ZNF609: variants seen among roughly 807,000 people sequenced by gnomAD.
ZNF609 encodes zinc finger protein 609.
In ZNF609, 11 loss-of-function variants were observed where a neutral mutation model predicts 109.5. The ratio of observed to expected loss-of-function variants is 0.10; its 90% confidence interval spans 0.06 to 0.17. The LOEUF is 0.17. ZNF609 is among the 10% of genes least tolerant of loss of function. ZNF609 has a pLI of 1.00. For missense variants in ZNF609, 1,559 were observed against 1,772.4 expected, an observed-to-expected ratio of 0.88 and a Z score of 2.16; for synonymous variants, 646 against 662.0, an observed-to-expected ratio of 0.98 and a Z score of 0.37.
At chr15:64,499,007 G>T (rs1036809773) in intron 1 of ZNF609, among the ~76,000 whole-genome samples, 3 of 152,134 alleles carry the variant, frequency 2.0e-5, no homozygotes, top group Admixed American at 6.5e-5. Context: ...GTAGAAATAG[G>T]TCTCTTAGGA....
At chr15:64,617,132 T>G (rs1410620340) in intron 2 of ZNF609, among the ~76,000 whole-genome samples, 1 of 151,802 alleles carries the variant, frequency 6.6e-6, no homozygotes, top group Non-Finnish European at 1.5e-5. Context: ...AAAGGTAAAT[T>G]GAGAAGTATC....
chr15:64,476,128 C>T (rs544589152), intron 1 of ZNF609, among the ~76,000 whole-genome samples: 5 of 152,242 alleles, frequency 3.3e-5, no homozygotes, highest in South Asian at 2.1e-4. Flanking sequence ...AATTTAGTCA[C>T]AGGAACCAAA....
chr15:64,481,289 G>C (rs1893248749), intron 1 of ZNF609, among the ~76,000 whole-genome samples: 1 of 151,598 alleles, frequency 6.6e-6, no homozygotes, highest in Admixed American at 6.6e-5. Flanking sequence ...CTTAGAGGCT[G>C]TGGAGAGAAG....
Position 64,683,496 on chromosome 15 carries a change from C to A in ZNF609, c.*1810C>A, listed in dbSNP as rs1202056437. Reference sequence around the variant, plus strand: ...TTGTTCAAGTTGGGTTCTGAGTCCTCCCCAAAAACCATTGTTTTAGACCTC... The same window carrying A: ...TTGTTCAAGTTGGGTTCTGAGTCCTACCCAAAAACCATTGTTTTAGACCTC... On this transcript the variant is annotated 3_prime_UTR_variant, in exon 10 of 10. Transcript: ENST00000326648. The A allele has an allele frequency of 6.5e-6, 1 of 152,674 alleles. No individual in the cohort carries two copies. The highest frequency in any genetic ancestry group is 1.5e-5 in the Non-Finnish European group (1 of 68,164). 9.5% of individuals were successfully genotyped at this position (152,674 alleles called of 1,614,324 possible). A position where few individuals can be genotyped will look rare whatever the true frequency, so the allele number is the denominator to read the frequency against.
rs79870122 is a variant in ZNF609 at position 64,498,731 on chromosome 15, T to C, written c.-127-562T>C. Among the ~76,000 whole-genome samples the C allele has an allele frequency of 6.6e-5, 10 of 152,238 alleles. No individual in the cohort carries two copies. In the East Asian group the frequency reaches 1.9e-3, roughly 29 times the overall value. On this transcript the variant is annotated intron_variant, in intron 1 of 9. Coordinates refer to ENST00000326648, the MANE Select transcript of ZNF609 (RefSeq NM_015042.2). The stretch of plus-strand genomic sequence containing the variant: ...TTAGCCCCCTGTCCTGAAGTTGCAT[T>C]TTCCCCAGTTCTGCTTGTTTTTCTC...
At chr15:64,679,993 T>G (rs1012533697) in intron 6 of ZNF609, among the ~76,000 whole-genome samples, 192 bp from the exon 7 acceptor site, 8 of 152,168 alleles carry the variant, frequency 5.3e-5, no homozygotes, top group African/African-American at 1.9e-4. Context: ...ATGTTCCTAA[T>G]ATCCCTTAGC....
At chr15:64,553,227 ATTAT>A (rs1336977267) in intron 2 of ZNF609, among the ~76,000 whole-genome samples, 1 of 151,586 alleles carries the variant, frequency 6.6e-6, no homozygotes, top group Non-Finnish European at 1.5e-5. Flanking sequence ...GCTGTTATAG[ATTAT>A]TTGTCATAAA....
intron 1 of ZNF609, among the ~76,000 whole-genome samples, chr15:64,464,071 T>C (rs1183060070): frequency 6.6e-6 from 1 of 152,128 alleles, no homozygotes; most frequent in African/African-American, 2.4e-5. Flanking sequence ...TAGAAAAAAA[T>C]TTCCTTGTGA....
At chr15:64,472,685 A>G (rs1300765120) in intron 1 of ZNF609, among the ~76,000 whole-genome samples, 4 of 151,916 alleles carry the variant, frequency 2.6e-5, no homozygotes, top group African/African-American at 7.3e-5. Context: ...GACAACATAG[A>G]CCCCATCTCT....
chr15:64,486,844 G>A (rs2140341255), intron 1 of ZNF609, among the ~76,000 whole-genome samples: 1 of 152,222 alleles, frequency 6.6e-6, no homozygotes, highest in South Asian at 2.1e-4. Context: ...GAAGTAATCT[G>A]TCCGCCTTGG....
rs138362580 is a variant in ZNF609, at chr15:64,677,988, C to G, written c.3403-128C>G. ...GATTATAAACAAGATCAGTAGAGGC[C>G]AAAATCCTACTCTGCCCCAGGTGTC... On this transcript the variant is annotated intron_variant, in intron 5 of 9. Transcript: ENST00000326648. 3,847 of 1,321,396 alleles carry G rather than the reference C, an allele frequency of 2.9e-3. 8 individuals carry two copies. The highest frequency in any genetic ancestry group is 3.8e-3 in the Non-Finnish European group (3,703 of 972,470). The allele number at this position is 1,321,396 out of a possible 1,614,324, so 81.9% of individuals were successfully genotyped here.
intron 2 of ZNF609, among the ~76,000 whole-genome samples, chr15:64,547,696 G>A (rs76953825): frequency 0.052 from 7,904 of 151,452 alleles, 289 homozygotes; most frequent in African/African-American, 0.1. Flanking sequence ...CCCCACCAGT[G>A]TACCAGGCAC....
At chr15:64,530,048 T>C (rs755948791) in intron 2 of ZNF609, among the ~76,000 whole-genome samples, 5 of 150,682 alleles carry the variant, frequency 3.3e-5, no homozygotes, top group Non-Finnish European at 5.9e-5. Flanking sequence ...TTTTTTAAAC[T>C]CTGTCACCCT....
chr15:64,674,209 C>G lies in ZNF609; in HGVS notation c.1355C>G (p.Ser452Cys). The G allele has an allele frequency of 6.2e-7, 1 of 1,614,206 alleles. No homozygotes were observed. ...NKPLSDMELN[S>C]SSEDSKGSKR... ...CCCCTTTCAGACATGGAGCTGAATTCTAGCTCAGAGGACTCCAAAGGGAGC... is the reference window on the plus strand; with the variant it reads ...CCCCTTTCAGACATGGAGCTGAATTGTAGCTCAGAGGACTCCAAAGGGAGC... The change falls in exon 5 of 10, where the codon TCT becomes TGT. Residue 452 changes from serine to cysteine, a missense_variant. By Grantham distance (112) the Ser-to-Cys change is moderately radical. Coordinates refer to ENST00000326648, the MANE Select transcript of ZNF609 (RefSeq NM_015042.2).
chr15:64,463,148 T>C (rs956385009), intron 1 of ZNF609, among the ~76,000 whole-genome samples: 1 of 152,160 alleles, frequency 6.6e-6, no homozygotes, highest in African/African-American at 2.4e-5. Context: ...TGGTCCCAGC[T>C]ACTCAGGAGG....
chr15:64,473,138 C>CATTGCTGT (rs899248759), intron 1 of ZNF609, among the ~76,000 whole-genome samples: 1 of 150,624 alleles, frequency 6.6e-6, no homozygotes, highest in African/African-American at 2.5e-5. Flanking sequence ...CTCCTTGAAG[C>CATTGCTGT]ATTGCTGTTC....
chr15:64,488,168 T>C (rs1893358454), intron 1 of ZNF609, among the ~76,000 whole-genome samples: 1 of 152,196 alleles, frequency 6.6e-6, no homozygotes, highest in Non-Finnish European at 1.5e-5. Context: ...CCTTAGATTC[T>C]TAATGAATCT....
At chr15:64,629,165 A>G (rs749301883) in intron 3 of ZNF609, among the ~76,000 whole-genome samples, 1 of 152,120 alleles carries the variant, frequency 6.6e-6, no homozygotes, top group Non-Finnish European at 1.5e-5. Context: ...GTATTCATTT[A>G]ATCAGAAATT....
At chr15:64,522,971 TAAAA>T (rs34889677) in intron 2 of ZNF609, among the ~76,000 whole-genome samples, 5 of 146,432 alleles carry the variant, frequency 3.4e-5, no homozygotes, top group African/African-American at 2.5e-5. Flanking sequence ...ACATTGTGGT[TAAAA>T]AAAAAAAAAA....
Sources: allele counts gnomAD v4.1 joint callset (sites outside exome capture counted in the v4.1 genomes callset), GRCh38; gene constraint gnomAD v4.1.1; transcripts MANE v1.5; gene names NCBI Gene and HGNC (gene_info 2026-07-23, HGNC 2026-07-21).